AP3D1: variants seen among roughly 807,000 people sequenced by gnomAD.
AP3D1 encodes AP-3 complex subunit delta-1.
A neutral mutation model predicts 147.6 loss-of-function variants in AP3D1; 51 were observed. The ratio of observed to expected loss-of-function variants is 0.35; its 90% CI spans 0.28 to 0.44. The LOEUF (loss-of-function observed/expected upper bound fraction) is 0.44. Among genes scored for constraint, AP3D1 ranks in the 20% least tolerant of loss-of-function variants. The pLI is 1.00. For synonymous variants in AP3D1, 760 were observed against 663.0 expected (o/e 1.15, Z -2.25); for missense variants, 1,421 against 1,624.2 (o/e 0.87, Z 2.15).
chr19:2,126,251 G>C (rs375018293), intron 9 of AP3D1, among the ~76,000 whole-genome samples: 1 of 152,224 alleles, frequency 6.6e-6, no homozygotes, highest in Non-Finnish European at 1.5e-5. Flanking sequence ...CCAATGCCCC[G>C]TGAGGCTTTG....
rs1174922919 is a variant in AP3D1 at position 2,102,003 on chromosome 19, AT to A, written c.*169del. The A allele has an allele frequency of 1.6e-6, 1 of 607,562 alleles. No homozygotes were observed. Among genetic ancestry groups the A allele is most frequent in the Non-Finnish European group, 2.9e-6 (1 of 345,600 alleles). 37.6% of individuals were successfully genotyped at this position (607,562 alleles called of 1,614,324 possible). A position where few individuals can be genotyped will look rare whatever the true frequency, so the allele number is the denominator to read the frequency against. On this transcript the variant is annotated 3_prime_UTR_variant, in exon 32 of 32. Coordinates refer to ENST00000643116, the MANE Select transcript of AP3D1 (RefSeq NM_001261826.3). Reference sequence around the variant, plus strand: ...AGTCACAGTAAAAAAGGATGGTCAGATAATTCAACGCAACAAATGACCTCGG... The same window carrying A: ...AGTCACAGTAAAAAAGGATGGTCAGAAATTCAACGCAACAAATGACCTCGG...
chr19:2,116,961 G>A (rs552363007), intron 16 of AP3D1: 5 of 807,658 alleles, frequency 6.2e-6, no homozygotes, highest in South Asian at 4.1e-5. Context: ...GGGCCCCCAC[G>A]GCAGGCTCAG....
At chr19:2,148,146 C>CAAAAAAAAA (rs5826756) in intron 1 of AP3D1, among the ~76,000 whole-genome samples, 1 of 98,152 alleles carries the variant, frequency 1.0e-5, no homozygotes. Flanking sequence ...GACTCCGTCT[C>CAAAAAAAAA]AAAAAAAAAA....
intron 4 of AP3D1, among the ~76,000 whole-genome samples, chr19:2,135,645 T>G (rs1401713835): frequency 1.3e-5 from 2 of 152,180 alleles, no homozygotes; most frequent in Admixed American, 1.3e-4. Context: ...AGGGCCCACC[T>G]GCGTCCGAGG....
At chr19:2,134,421 A>C (rs558900075) in intron 4 of AP3D1, among the ~76,000 whole-genome samples, 7 of 109,682 alleles carry the variant, frequency 6.4e-5, no homozygotes, top group East Asian at 4.1e-4. Flanking sequence ...ACCCTGTCTC[A>C]AAAAAAAAAA....
At chr19:2,111,081 A>AC in intron 26 of AP3D1, 185 bp from the exon 27 acceptor site, 1 of 904,492 alleles carries the variant, frequency 1.1e-6, no homozygotes, top group Non-Finnish European at 1.7e-6. Context: ...CATGGCGGGG[A>AC]CCCTCCTGCC....
At chr19:2,140,061 C>T (rs187794154) in intron 1 of AP3D1, among the ~76,000 whole-genome samples, 202 of 152,266 alleles carry the variant, frequency 1.3e-3, no homozygotes, top group African/African-American at 4.4e-3. Context: ...ATCCTCCAGA[C>T]GGGCTTCAAA....
intron 14 of AP3D1, 150 bp from the exon 15 acceptor site, chr19:2,118,982 A>G: frequency 1.4e-6 from 1 of 691,614 alleles, no homozygotes; most frequent in Non-Finnish European, 2.4e-6. Flanking sequence ...CTGAGACACG[A>G]AGTAGAAGAA....
upstream of AP3D1, among the ~76,000 whole-genome samples, chr19:2,155,769 T>C (rs1169011032): frequency 2.0e-5 from 3 of 152,012 alleles, no homozygotes; most frequent in Non-Finnish European, 4.4e-5. Context: ...AAAGGAAGAA[T>C]GGGCCGGGCG....
rs963671910 is a variant in AP3D1 at position 2,164,431 on chromosome 19, C to T, written c.-178G>A. ...CCCCGTTGCTTCCCGGCCGAGGGCC[C>T]CGCGGCTGTTTCCCGCAGGGTGGGA... On this transcript the variant is annotated 5_prime_UTR_variant, in exon 1 of 15. Coordinates refer to the AP3D1 transcript ENST00000643010. 1.2e-3 allele frequency: 527 copies of T among 439,326 alleles called. 7 individuals carry two copies. The highest frequency in any genetic ancestry group is 2.9e-4 in the Admixed American group (6 of 20,980). The allele number at this position is 439,326 out of a possible 1,614,324, so 27.2% of individuals were successfully genotyped here. A position where few individuals can be genotyped will look rare whatever the true frequency, so the allele number is the denominator to read the frequency against.
intron 4 of AP3D1, among the ~76,000 whole-genome samples, chr19:2,134,776 T>A (rs1250733447): frequency 1.3e-5 from 2 of 151,446 alleles, no homozygotes; most frequent in African/African-American, 4.8e-5. Context: ...TAATTTTGTA[T>A]TTTTAGTACA....
chr19:2,163,674 G>T (rs538784332), intron 1 of AP3D1, among the ~76,000 whole-genome samples: 1 of 152,162 alleles, frequency 6.6e-6, no homozygotes, highest in South Asian at 2.1e-4. Context: ...CCCGCTATCC[G>T]ACGGGCCCGC....
intron 1 of AP3D1, chr19:2,164,117 G>A: frequency 5.0e-5 from 1 of 20,024 alleles, no homozygotes; most frequent in Non-Finnish European, 8.0e-5. Flanking sequence ...GCCCTCCTCC[G>A]CCCACCGGCG....
chr19:2,111,076 C>G, intron 26 of AP3D1, 180 bp from the exon 27 acceptor site: 1 of 909,100 alleles, frequency 1.1e-6, no homozygotes, highest in South Asian at 1.7e-5. Flanking sequence ...GAGTGCATGG[C>G]GGGGACCCTC....
rs182016276 is a variant in AP3D1 at position 2,135,750 on chromosome 19, C to T, written c.354+1261G>A. Among the ~76,000 whole-genome samples, 614 of 152,262 alleles carry T rather than the reference C, an allele frequency of 4.0e-3. 2 individuals carry two copies. The highest frequency in any genetic ancestry group is 0.014 in the African/African-American group (566 of 41,550). ...GCAAGGCAGCGGCGGATCTAAGTCC[C>T]CAGTGAGGTGCTCACACAGGGACCG... On this transcript the variant is annotated intron_variant, in intron 4 of 31. Coordinates refer to ENST00000643116, the MANE Select transcript of AP3D1 (RefSeq NM_001261826.3).
intron 31 of AP3D1, 146 bp from the exon 32 acceptor site, chr19:2,102,414 T>C (rs1049972264): frequency 3.1e-6 from 2 of 651,742 alleles, no homozygotes; most frequent in African/African-American, 3.6e-5. Flanking sequence ...GTCAACACGG[T>C]GAAACCCTGT....
At chr19:2,126,652 C>CAAAAA (rs58063456) in intron 9 of AP3D1, among the ~76,000 whole-genome samples, 2 of 59,614 alleles carry the variant, frequency 3.4e-5, no homozygotes, top group African/African-American at 5.8e-5. Context: ...GACTCTGCCT[C>CAAAAA]AAAAAAAAAA....
intron 1 of AP3D1, among the ~76,000 whole-genome samples, chr19:2,163,523 A>C: frequency 1.4e-5 from 2 of 146,672 alleles, no homozygotes; most frequent in South Asian, 2.1e-4. Context: ...AATAAACAGC[A>C]TTGTTGTCGA....
chr19:2,148,368 G>A (rs980384391), intron 1 of AP3D1, among the ~76,000 whole-genome samples: 5 of 152,136 alleles, frequency 3.3e-5, no homozygotes, highest in African/African-American at 7.2e-5. Context: ...ATGGGAACCC[G>A]ATACGTTTAC....
Sources: gnomAD v4.1 joint callset for allele counts (sites outside exome capture counted in the v4.1 genomes callset) on GRCh38, gnomAD v4.1.1 for gene constraint, MANE v1.5 for transcripts, NCBI Gene and HGNC (gene_info 2026-07-23, HGNC 2026-07-21) for gene names.